Variants in CAST observed in about 807,000 individuals in gnomAD.
CAST encodes the protein calpastatin, also known as MIR583 host.
A neutral mutation model predicts 119.6 loss-of-function variants in CAST; 76 were observed. The ratio of observed to expected loss-of-function variants is 0.64; its 90% CI spans 0.53 to 0.77. The LOEUF is 0.77. Among genes scored for constraint, CAST ranks in the 30% least tolerant of loss-of-function variants. The pLI is 0.00. For missense variants in CAST, 953 were observed against 946.5 expected, an observed-to-expected ratio of 1.01 and a Z score of -0.09; for synonymous variants, 319 against 331.6, an observed-to-expected ratio of 0.96 and a Z score of 0.41.
At chr5:96,281,432 T>G in the CAST span, among the ~76,000 whole-genome samples, 7 of 152,194 alleles carry the variant, frequency 4.6e-5, no homozygotes, top group Admixed American at 4.6e-4. Flanking sequence ...GGCAATGAAT[T>G]AACCAAGATT....
intron 1 of CAST, among the ~76,000 whole-genome samples, chr5:96,555,539 T>A (rs263388): frequency 0.29 from 44,436 of 152,070 alleles, 7,429 homozygotes; most frequent in Middle Eastern, 0.42. Context: ...ATACTGCACT[T>A]TTCCAAAGGT....
At position 96,773,681 on chromosome 5, in the gene CAST, A is replaced by T. The variant is rs1405525565; in HGVS notation, c.*1065A>T. ...TAGGCTCTGATGTCCTACCACTTTG[A>T]ATGGTTTTCTAATATCTTAATGAAT... On this transcript the variant is annotated 3_prime_UTR_variant, in exon 32 of 32. Transcript: ENST00000675179. The T allele has an allele frequency of 6.6e-6, 1 of 152,190 alleles. No individual in the cohort carries two copies. The highest frequency in any genetic ancestry group is 1.5e-5 in the Non-Finnish European group (1 of 68,016). The allele number at this position is 152,190 out of a possible 1,614,324, so 9.4% of individuals were successfully genotyped here.
At chr5:96,677,704 G>C (rs908889009) in intron 2 of CAST, among the ~76,000 whole-genome samples, 12 of 152,196 alleles carry the variant, frequency 7.9e-5, no homozygotes, top group Non-Finnish European at 1.5e-4. Flanking sequence ...GTCCCAACCA[G>C]CAGAAGTAAA....
the CAST span, chr5:96,408,182 T>C: frequency 7.3e-7 from 1 of 1,377,242 alleles, no homozygotes; most frequent in Non-Finnish European, 1.0e-6. Context: ...ATAAGGAGAA[T>C]CAGCCTTTGT....
chr5:95,961,583 T>G, the CAST span: 1 of 1,595,972 alleles, frequency 6.3e-7, no homozygotes, highest in Non-Finnish European at 8.5e-7. Context: ...ACCTTGTGGC[T>G]CTGGTAAGTC....
chr5:96,539,169 G>C (rs6867933), intron 1 of CAST, among the ~76,000 whole-genome samples: 89,269 of 151,980 alleles, frequency 0.59, 26,918 homozygotes, highest in East Asian at 0.86. Flanking sequence ...CTGACTCATA[G>C]TGTTCAAAGT....
intron 1 of CAST, among the ~76,000 whole-genome samples, chr5:96,623,548 A>C (rs1226167988): frequency 6.6e-6 from 1 of 152,194 alleles, no homozygotes; most frequent in East Asian, 1.9e-4. Context: ...TGCCAGTGTC[A>C]TTTAAATCTG....
At chr5:96,108,007 T>C in the CAST span, among the ~76,000 whole-genome samples, 2 of 151,668 alleles carry the variant, frequency 1.3e-5, no homozygotes, top group Admixed American at 6.6e-5. Flanking sequence ...TTCTTCCAGT[T>C]GATCGCATCG....
chr5:96,605,165 A>C (rs1747229713), intron 1 of CAST, among the ~76,000 whole-genome samples: 1 of 152,206 alleles, frequency 6.6e-6, no homozygotes. Context: ...TTTCCAACAC[A>C]TTGTGTATGA....
chr5:96,560,259 G>A (rs1413219359), intron 1 of CAST, among the ~76,000 whole-genome samples: 4 of 151,936 alleles, frequency 2.6e-5, no homozygotes, highest in African/African-American at 4.8e-5. Context: ...AATGCTAGAA[G>A]AAAACCTAGG....
At chr5:96,410,992 G>T in the CAST span, 2 of 1,604,564 alleles carry the variant, frequency 1.2e-6, no homozygotes, top group Non-Finnish European at 1.7e-6. Flanking sequence ...CTCCCCTAAA[G>T]GAAAAGCCAG....
the CAST span, among the ~76,000 whole-genome samples, chr5:96,154,051 G>A: frequency 6.6e-6 from 1 of 152,146 alleles, no homozygotes; most frequent in Non-Finnish European, 1.5e-5. Context: ...AGCACTTTGG[G>A]AGGATCACAA....
At chr5:96,117,356 T>C in the CAST span, among the ~76,000 whole-genome samples, 2 of 152,230 alleles carry the variant, frequency 1.3e-5, no homozygotes, top group Non-Finnish European at 2.9e-5. Context: ...TTCTTGGTGA[T>C]GTACCACATA....
the CAST span, among the ~76,000 whole-genome samples, chr5:96,185,490 T>C: frequency 6.6e-6 from 1 of 152,240 alleles, no homozygotes; most frequent in African/African-American, 2.4e-5. Flanking sequence ...GGGTTTTACA[T>C]TGAAGTCTTT....
At chr5:96,387,793 G>A in the CAST span, among the ~76,000 whole-genome samples, 1 of 152,188 alleles carries the variant, frequency 6.6e-6, no homozygotes, top group African/African-American at 2.4e-5. Context: ...TGTAAAATAT[G>A]TAAGACAGAA....
At chr5:96,688,171 A>C (rs1276404539) in intron 2 of CAST, among the ~76,000 whole-genome samples, 2 of 152,228 alleles carry the variant, frequency 1.3e-5, no homozygotes, top group African/African-American at 4.8e-5. Flanking sequence ...CTGAATGAGT[A>C]CATGTTAGGA....
the CAST span, among the ~76,000 whole-genome samples, chr5:96,321,311 C>T: frequency 1.3e-5 from 2 of 152,136 alleles, no homozygotes; most frequent in African/African-American, 2.4e-5. Flanking sequence ...CTGTGACAAC[C>T]AAAAATGTCT....
chr5:96,014,167 A>AT, the CAST span, among the ~76,000 whole-genome samples: 3 of 143,346 alleles, frequency 2.1e-5, no homozygotes, highest in Admixed American at 6.9e-5. Context: ...TTACTTTTAA[A>AT]TTTTTTTTTG....
the CAST span, among the ~76,000 whole-genome samples, chr5:96,490,953 G>A: frequency 1.3e-5 from 2 of 152,080 alleles, no homozygotes; most frequent in African/African-American, 4.8e-5. Context: ...GTCATTCAGT[G>A]GGAAATGGTA....
Sources: allele counts gnomAD v4.1 joint callset (sites outside exome capture counted in the v4.1 genomes callset), GRCh38; gene constraint gnomAD v4.1.1; transcripts MANE v1.5; gene names NCBI Gene and HGNC (gene_info 2026-07-23, HGNC 2026-07-21).